Variants in PUDP observed in about 807,000 individuals in gnomAD.
The protein encoded by PUDP is pseudouridine 5'-phosphatase.
In PUDP, 8 loss-of-function variants were observed where a neutral mutation model predicts 9.4. The ratio of observed to expected loss-of-function variants is 0.85; its 90% CI spans 0.50 to 1.53. The LOEUF (loss-of-function observed/expected upper bound fraction) is 1.53. PUDP is among the 40% of genes most tolerant of loss of function. PUDP has a pLI of 0.00. For missense variants in PUDP, 188 were observed against 189.7 expected, an observed-to-expected ratio of 0.99 and a Z score of 0.05; for synonymous variants, 99 against 80.7, an observed-to-expected ratio of 1.23 and a Z score of -1.22.
intron 1 of PUDP, among the ~76,000 whole-genome samples, chrX:6,988,786 T>G (rs1269051427): frequency 9.0e-6 from 1 of 111,313 alleles, no homozygotes; most frequent in Non-Finnish European, 1.9e-5. Flanking sequence ...TAAGATTTCC[T>G]TCATTATCTT....
intron 3 of PUDP, among the ~76,000 whole-genome samples, chrX:6,973,760 T>C (rs1241974572): frequency 9.0e-6 from 1 of 111,440 alleles, no homozygotes; most frequent in Non-Finnish European, 1.9e-5. Context: ...TGAATATCCT[T>C]GTTTATATTC....
At chrX:6,869,536 A>C (rs7066881) in intron 3 of PUDP, among the ~76,000 whole-genome samples, 47,729 of 110,610 alleles carry the variant, frequency 0.43, 8,693 homozygotes, top group Non-Finnish European at 0.57. Context: ...ACTTGGGCTT[A>C]TACTGTGGTG....
At chrX:7,078,755 C>G (rs186475091) in intron 2 of PUDP, among the ~76,000 whole-genome samples, 1 of 112,099 alleles carries the variant, frequency 8.9e-6, no homozygotes, top group Non-Finnish European at 1.9e-5. Flanking sequence ...GCACCTGACC[C>G]TCTAAAGATT....
chrX:7,017,159 T>C (rs1460997787), intron 1 of PUDP, among the ~76,000 whole-genome samples: 4 of 112,317 alleles, frequency 3.6e-5, no homozygotes, highest in Non-Finnish European at 7.5e-5. Flanking sequence ...TTTCATGTTA[T>C]ATTATTGCAT....
At chrX:6,787,471 AT>A (rs1441931702) in intron 3 of PUDP, among the ~76,000 whole-genome samples, 4 of 111,508 alleles carry the variant, frequency 3.6e-5, no homozygotes, top group African/African-American at 1.3e-4. Context: ...CAATTTTCAC[AT>A]TTCTCTGTCT....
intron 2 of PUDP, among the ~76,000 whole-genome samples, chrX:7,081,244 C>G (rs1018997015): frequency 9.0e-6 from 1 of 111,709 alleles, no homozygotes; most frequent in South Asian, 3.8e-4. Flanking sequence ...CCTTGACCTC[C>G]TGGGCTCAAA....
At chrX:6,995,313 A>G (rs373160650) in intron 1 of PUDP, among the ~76,000 whole-genome samples, 3 of 112,073 alleles carry the variant, frequency 2.7e-5, no homozygotes, top group South Asian at 7.5e-4. Flanking sequence ...TGACAAGTAC[A>G]TGCACCAAAT....
At chrX:7,021,002 T>C (rs1929624370) in intron 1 of PUDP, among the ~76,000 whole-genome samples, 1 of 112,676 alleles carries the variant, frequency 8.9e-6, no homozygotes, top group Non-Finnish European at 1.9e-5. Context: ...AGCCAATTCA[T>C]GCACATGTCT....
chrX:7,078,807 A>T (rs959255447), intron 2 of PUDP, among the ~76,000 whole-genome samples: 2 of 111,763 alleles, frequency 1.8e-5, no homozygotes, highest in African/African-American at 6.5e-5. Flanking sequence ...TAGTTCCAGG[A>T]CAAAGTTAAA....
At chrX:6,822,736 G>A (rs1293728047) in intron 3 of PUDP, among the ~76,000 whole-genome samples, 7 of 104,599 alleles carry the variant, frequency 6.7e-5, no homozygotes, top group African/African-American at 1.1e-4. Flanking sequence ...TGGGGTACAC[G>A]TGATGGTTTG....
chrX:6,857,731 C>T (rs931843912), intron 3 of PUDP, among the ~76,000 whole-genome samples: 1 of 111,987 alleles, frequency 8.9e-6, no homozygotes, highest in Non-Finnish European at 1.9e-5. Flanking sequence ...ACCCTCTGTG[C>T]CAGCAAATGG....
At chrX:7,140,827 C>T (rs1353541513) in intron 1 of PUDP, among the ~76,000 whole-genome samples, 1 of 112,241 alleles carries the variant, frequency 8.9e-6, no homozygotes, top group Non-Finnish European at 1.9e-5. Context: ...TTCCTAACAG[C>T]ATGTCTCACG....
At chrX:7,003,042 T>C (rs938448710) in intron 1 of PUDP, among the ~76,000 whole-genome samples, 1 of 111,765 alleles carries the variant, frequency 8.9e-6, no homozygotes, top group Non-Finnish European at 1.9e-5. Flanking sequence ...AGACGTAATG[T>C]CAAGCCAGTT....
intron 3 of PUDP, among the ~76,000 whole-genome samples, chrX:6,799,268 G>T (rs377693495): frequency 2.7e-5 from 3 of 112,085 alleles, no homozygotes; most frequent in East Asian, 5.6e-4. Flanking sequence ...AGGAAGTGTG[G>T]ACCCATGACT....
chrX:6,982,023 T>TACACACACACACACACACACAC (rs59016698), intron 1 of PUDP, among the ~76,000 whole-genome samples: 5 of 86,984 alleles, frequency 5.7e-5, no homozygotes, highest in African/African-American at 1.3e-4. Flanking sequence ...AACTTATGGA[T>TACACACACACACACACACACAC]ACACACACAC....
chrX:7,008,034 G>A (rs1929426074), intron 1 of PUDP, among the ~76,000 whole-genome samples: 1 of 109,831 alleles, frequency 9.1e-6, no homozygotes, highest in South Asian at 4.1e-4. Flanking sequence ...CGTGATCTTG[G>A]CTCACTGCAA....
At chrX:6,905,667 T>C (rs1927756417) in intron 3 of PUDP, among the ~76,000 whole-genome samples, 1 of 111,155 alleles carries the variant, frequency 9.0e-6, no homozygotes, top group African/African-American at 3.3e-5. Flanking sequence ...GGATTACAAT[T>C]CAGGATGAGA....
chrX:6,764,530 A>G (rs1427747758), intron 3 of PUDP, among the ~76,000 whole-genome samples: 2 of 111,917 alleles, frequency 1.8e-5, no homozygotes, highest in African/African-American at 6.5e-5. Flanking sequence ...TAGGGTTTCT[A>G]TGTATTTTCC....
intron 1 of PUDP, among the ~76,000 whole-genome samples, chrX:7,118,236 CTG>C (rs1389613244): frequency 8.9e-6 from 1 of 112,313 alleles, no homozygotes. Context: ...CAGAAAGACA[CTG>C]TGATTTGCAG....
Sources: allele counts gnomAD v4.1 joint callset (sites outside exome capture counted in the v4.1 genomes callset), GRCh38; gene constraint gnomAD v4.1.1; transcripts MANE v1.5; gene names NCBI Gene and HGNC (gene_info 2026-07-23, HGNC 2026-07-21).